SEMA7A: variants seen among roughly 807,000 people sequenced by gnomAD.
SEMA7A encodes the protein semaphorin 7A (JohnMiltonHagen blood group), also known as semaphorin-7A.
SEMA7A carries 21 observed loss-of-function variants against 67.5 expected under a neutral mutation model. The observed-to-expected ratio is 0.31, with a 90% confidence interval of 0.22 to 0.45. SEMA7A has a LOEUF of 0.45. Among genes scored for constraint, SEMA7A ranks in the 20% least tolerant of loss-of-function variants. The pLI is 1.00. For synonymous variants in SEMA7A, 364 were observed against 368.5 expected, an observed-to-expected ratio of 0.99 and a Z score of 0.14; for missense variants, 774 against 908.6, an observed-to-expected ratio of 0.85 and a Z score of 1.90.
In SEMA7A at chr15:74,414,884, G is replaced by A; in HGVS notation, c.1049C>T (p.Ser350Leu). The change falls in exon 9 of 14, where the codon TCA becomes TTA. Residue 350 changes from serine to leucine, a missense_variant. Ser to Leu is a moderately radical substitution (Grantham distance 145). Coordinates refer to ENST00000261918, the MANE Select transcript of SEMA7A (RefSeq NM_003612.5). The surrounding 1 kb of genome is among the most constrained non-coding windows in gnomAD (Gnocchi z 4.1). Reference sequence around the variant, plus strand: ...AAGGCTTGAGTGGTAGCCCTTGAGTGAGGAGGTACGGAAGACCTTGTCAAT... The same window carrying A: ...AAGGCTTGAGTGGTAGCCCTTGAGTAAGGAGGTACGGAAGACCTTGTCAAT... ...GDIDKVFRTS[S>L]LKGYHSSLPN... 1 of 1,614,204 alleles carries A rather than the reference G, an allele frequency of 6.2e-7. No homozygotes were observed. The highest frequency in any genetic ancestry group is 1.6e-4 in the Middle Eastern group (1 of 6,062).
In SEMA7A at chr15:74,414,451, A is replaced by T; in HGVS notation, c.1294+96T>A. ...CCAGTCACTCAATTATTCCTTCCAC[A>T]TGTAAAGATCCAACCAGATGTTAAC... is the stretch of plus-strand genomic sequence containing the variant. On this transcript the variant is annotated intron_variant, in intron 10 of 13. Coordinates refer to ENST00000261918, the MANE Select transcript of SEMA7A (RefSeq NM_003612.5). This position sits in a 1 kb window ranked among gnomAD's most constrained non-coding sequence, Gnocchi z 4.1. The T allele has an allele frequency of 8.1e-7, 1 of 1,227,608 alleles. No individual in the cohort carries two copies. Among genetic ancestry groups the T allele is most frequent in the Non-Finnish European group, 1.2e-6 (1 of 848,522 alleles). 76.0% of individuals were successfully genotyped at this position (1,227,608 alleles called of 1,614,324 possible). A position where few individuals can be genotyped will look rare whatever the true frequency, so the allele number is the denominator to read the frequency against.
rs376261498 is a variant in SEMA7A, at chr15:74,414,605, G to A, written c.1236C>T (p.Ala412=). Residue 412 remains alanine, a synonymous_variant, in exon 10 of 14, where the codon GCC becomes GCT. Transcript: ENST00000261918. This position sits in a 1 kb window ranked among gnomAD's most constrained non-coding sequence, Gnocchi z 4.1. The stretch of plus-strand genomic sequence containing the variant: ...CGTGGCTGGCTTGCATGCGGTGGAC[G>A]GCCACTTTCTGGTAGTGGTATTTAG... ...FHSKYHYQKV[A]VHRMQASHGE... 1.6e-5 allele frequency: 26 copies of A among 1,614,190 alleles called. No individual in the cohort carries two copies. The highest frequency in any genetic ancestry group is 3.3e-5 in the South Asian group (3 of 91,078).
rs139187648 is a variant in SEMA7A, at chr15:74,411,896, C to T, written c.1411G>A (p.Asp471Asn). The T allele has an allele frequency of 8.1e-6, 13 of 1,613,828 alleles. No homozygotes were observed. The African/African-American group carries it at 1.7e-4, about 22-fold the overall frequency. The stretch of plus-strand genomic sequence containing the variant: ...GGGGGAAGGCTCACCCGCTCAGCAT[C>T]CAGCGACATGGTCTGGATGGCAGCC... The part of the protein sequence containing the change: ...RAAAIQTMSL[D>N]AERRKLYVSS... Residue 471 changes from aspartate to asparagine, a missense_variant, in exon 11 of 14, where the codon GAT becomes AAT. By Grantham distance (23) the Asp-to-Asn change is conservative. Coordinates refer to ENST00000261918, the MANE Select transcript of SEMA7A (RefSeq NM_003612.5). This position sits in a 1 kb window ranked among gnomAD's most constrained non-coding sequence, Gnocchi z 4.4.
In SEMA7A at chr15:74,413,201, C is replaced by CT. The variant is rs1245370908; in HGVS notation, c.1295-1190_1295-1189insA. On this transcript the variant is annotated intron_variant, in intron 10 of 13. Coordinates refer to ENST00000261918, the MANE Select transcript of SEMA7A (RefSeq NM_003612.5). ...CCACCCCAGCCACTGCCTTCACAGA[C>CT]ATACTGCCCTATACCTCCTTCCAAA... Among the ~76,000 whole-genome samples, 3 of 152,254 alleles carry CT rather than the reference C, an allele frequency of 2.0e-5. No individual in the cohort carries two copies. In the East Asian group the frequency reaches 5.8e-4, roughly 29 times the overall value.
At chr15:74,412,091 G>A in intron 10 of SEMA7A, 79 bp from the exon 11 acceptor site, 2 of 1,549,202 alleles carry the variant, frequency 1.3e-6, no homozygotes, top group Non-Finnish European at 1.8e-6. Flanking sequence ...CCGGGGAGGG[G>A]TGGGAAGTCA....
chr15:74,409,790 C>T lies in SEMA7A; in HGVS notation c.*834G>A, dbSNP rs1447472593. ...CCAACACTAGGGGCTCCAACAACGT[C>T]CCCCTCAGACCGGGCTCCCAGGGCA... On this transcript the variant is annotated 3_prime_UTR_variant, in exon 14 of 14. Transcript: ENST00000261918. The T allele has an allele frequency of 6.8e-6, 1 of 147,636 alleles. No individual in the cohort carries two copies. The allele number at this position is 147,636 out of a possible 1,614,324, so 9.1% of individuals were successfully genotyped here.
At position 74,423,643 on chromosome 15, in the gene SEMA7A, C is replaced by T. The variant is rs77220698; in HGVS notation, c.179-4691G>A. Among the ~76,000 whole-genome samples, 6,511 of 152,290 alleles carry T rather than the reference C, an allele frequency of 0.043. 425 individuals carry two copies. Among genetic ancestry groups the T allele is most frequent in the African/African-American group, 0.14 (5,863 of 41,534 alleles). On this transcript the variant is annotated intron_variant, in intron 1 of 13. Coordinates refer to ENST00000261918, the MANE Select transcript of SEMA7A (RefSeq NM_003612.5). This position sits in a 1 kb window ranked among gnomAD's most constrained non-coding sequence, Gnocchi z 4.1. ...AACCTGATAACTAAAGGGAATCACC[C>T]GCCCACCCACCTTCCAGGTGAGGCC...
chr15:74,424,508 C>A (rs1466007512), intron 1 of SEMA7A, among the ~76,000 whole-genome samples: 1 of 152,214 alleles, frequency 6.6e-6, no homozygotes, highest in Non-Finnish European at 1.5e-5. Context: ...GGCAGGACAA[C>A]CTGTATTGCC....
At position 74,414,582 on chromosome 15, in the gene SEMA7A, T is replaced by C. The variant is rs2060929110; in HGVS notation, c.1259A>G (p.His420Arg). ...GTAAAGCACATGAAAGGTCTCCCCGTGGCTGGCTTGCATGCGGTGGACGGC... is the reference window on the plus strand; with the variant it reads ...GTAAAGCACATGAAAGGTCTCCCCGCGGCTGGCTTGCATGCGGTGGACGGC... ...KVAVHRMQAS[H>R]GETFHVLYLT... The change falls in exon 10 of 14, where the codon CAC (histidine) becomes CGC (arginine). Residue 420 changes from histidine to arginine, a missense_variant. By Grantham distance (29) the His-to-Arg change is conservative. Around this residue, in one of 2 missense-constraint regions of SEMA7A, gnomAD observed 427 missense variants for 555.4 expected, o/e 0.77. Transcript: ENST00000261918. The surrounding 1 kb of genome is among the most constrained non-coding windows in gnomAD (Gnocchi z 4.1). 6.2e-7 allele frequency: 1 copy of C among 1,614,258 alleles called. No homozygotes were observed. Among genetic ancestry groups the C allele is most frequent in the Non-Finnish European group, 8.5e-7 (1 of 1,180,056 alleles).
rs1003803273 is a variant in SEMA7A at position 74,423,919 on chromosome 15, G to A, written c.179-4967C>T. The stretch of plus-strand genomic sequence containing the variant: ...GCAGGTGGGTCCTGGCAACTCTCAG[G>A]CAGGGTTAGGTTCTAGATTAGCTAG... On this transcript the variant is annotated intron_variant, in intron 1 of 13. Transcript: ENST00000261918. This position sits in a 1 kb window ranked among gnomAD's most constrained non-coding sequence, Gnocchi z 4.1. 8.5e-5 allele frequency among the ~76,000 whole-genome samples: 13 copies of A among 152,232 alleles called. No individual in the cohort carries two copies. The highest frequency in any genetic ancestry group is 3.1e-4 in the African/African-American group (13 of 41,452).
chr15:74,420,953 C>T (rs1363706965), intron 1 of SEMA7A, among the ~76,000 whole-genome samples: 1 of 152,232 alleles, frequency 6.6e-6, no homozygotes, highest in Admixed American at 6.5e-5. Flanking sequence ...ACTGTGCTAG[C>T]CACCTTCATC....
rs1234287799 is a variant in SEMA7A at position 74,415,965 on chromosome 15, A to G, written c.822T>C (p.Ser274=). The G allele has an allele frequency of 6.2e-7, 1 of 1,614,014 alleles. No homozygotes were observed. The highest frequency in any genetic ancestry group is 1.7e-4 in the Middle Eastern group (1 of 6,058). ...QLCRGDQGGE[S]SLSVSKWNTF... The stretch of plus-strand genomic sequence containing the variant: ...TGTTCCACTTGGAGACTGACAGTGA[A>G]CTTTCCCCACCCTGGTCCCCCTGGA... The change falls in exon 8 of 14, where the codon AGT becomes AGC. Residue 274 remains serine, a synonymous_variant. Coordinates refer to ENST00000261918, the MANE Select transcript of SEMA7A (RefSeq NM_003612.5).
chr15:74,432,607 T>C (rs1008290324), intron 1 of SEMA7A, among the ~76,000 whole-genome samples: 9 of 152,024 alleles, frequency 5.9e-5, no homozygotes, highest in East Asian at 1.9e-4. Flanking sequence ...TGGTTTTTTT[T>C]CCCCTCTGCT....
In SEMA7A at chr15:74,417,623, C is replaced by G; in HGVS notation, c.518G>C (p.Ser173Thr). 1 of 1,612,850 alleles carries G rather than the reference C, an allele frequency of 6.2e-7. No individual in the cohort carries two copies. The highest frequency in any genetic ancestry group is 1.1e-5 in the South Asian group (1 of 91,024). The change falls in exon 5 of 14, where the codon AGC (serine) becomes ACC (threonine). Residue 173 changes from serine (S) to threonine (T), a missense_variant. Ser to Thr is a moderately conservative substitution (Grantham distance 58). Transcript: ENST00000261918. Reference protein sequence around the residue: ...LGEMRGYAPFSPDENSLVLFE... With the variant: ...LGEMRGYAPFTPDENSLVLFE... ...CAGAACCAGGGAGTTCTCGTCCGGGCTGAAGGGGGCGTAGCCTCTCATCTC... is the reference window on the plus strand; with the variant it reads ...CAGAACCAGGGAGTTCTCGTCCGGGGTGAAGGGGGCGTAGCCTCTCATCTC...
chr15:74,411,886 C>T lies in SEMA7A; in HGVS notation c.1421G>A (p.Arg474Gln), dbSNP rs776572648. ...AIQTMSLDAE[R>Q]RKLYVSSQWE... Reference sequence around the variant, plus strand: ...GGGACGCAGTGGGGGAAGGCTCACCCGCTCAGCATCCAGCGACATGGTCTG... The same window carrying T: ...GGGACGCAGTGGGGGAAGGCTCACCTGCTCAGCATCCAGCGACATGGTCTG... The change falls in exon 11 of 14, where the codon CGG (arginine) becomes CAG (glutamine). Residue 474 changes from arginine to glutamine, a missense_variant and splice_region_variant. This residue lies in a region of SEMA7A where 427 missense variants were observed against 555.4 expected (regional missense o/e 0.77). Transcript: ENST00000261918. The surrounding 1 kb of genome is among the most constrained non-coding windows in gnomAD (Gnocchi z 4.4). The T allele has an allele frequency of 4.0e-5, 64 of 1,613,644 alleles. No individual in the cohort carries two copies. Among genetic ancestry groups the T allele is most frequent in the South Asian group, 6.6e-5 (6 of 91,058 alleles).
At chr15:74,433,720 C>A in intron 1 of SEMA7A, 21 bp downstream of exon 1, 1 of 1,419,886 alleles carries the variant, frequency 7.0e-7, no homozygotes, top group Non-Finnish European at 9.1e-7. Context: ...CGCGCCTGAC[C>A]GGCCGCGCGG....
Position 74,411,521 on chromosome 15 carries a change from C to T in SEMA7A, c.1577+35G>A. Reference sequence around the variant, plus strand: ...ACACCTCCCCCTCTCCCATGCCCACCTTCTCCCAGGGACGAGGGATCCCGG... The same window carrying T: ...ACACCTCCCCCTCTCCCATGCCCACTTTCTCCCAGGGACGAGGGATCCCGG... On this transcript the variant is annotated intron_variant, in intron 12 of 13. Coordinates refer to ENST00000261918, the MANE Select transcript of SEMA7A (RefSeq NM_003612.5). The surrounding 1 kb of genome is among the most constrained non-coding windows in gnomAD (Gnocchi z 4.4). 1 of 1,544,266 alleles carries T rather than the reference C, an allele frequency of 6.5e-7. No homozygotes were observed. The highest frequency in any genetic ancestry group is 8.7e-7 in the Non-Finnish European group (1 of 1,143,842).
intron 1 of SEMA7A, among the ~76,000 whole-genome samples, chr15:74,424,136 T>G (rs764116276): frequency 7.9e-5 from 12 of 152,118 alleles, no homozygotes; most frequent in Non-Finnish European, 1.8e-4. Flanking sequence ...ATATCTCATG[T>G]GTGGCTCAGC....
chr15:74,418,375 C>T (rs1374230856), intron 2 of SEMA7A, 66 bp from the exon 3 acceptor site: 4 of 1,506,834 alleles, frequency 2.7e-6, no homozygotes, highest in Non-Finnish European at 3.7e-6. Flanking sequence ...ATGCTTTCCA[C>T]ACAGCCTCAG....
Sources: allele counts gnomAD v4.1 joint callset (sites outside exome capture counted in the v4.1 genomes callset), GRCh38; gene constraint gnomAD v4.1.1; regional missense constraint gnomAD v4.1.1; non-coding constraint Gnocchi (gnomAD v3.1); transcripts MANE v1.5; gene names NCBI Gene and HGNC (gene_info 2026-07-23, HGNC 2026-07-21).